SLC8A3: variants seen among roughly 807,000 people sequenced by gnomAD.
SLC8A3 encodes solute carrier family 8 member A3, also known as sodium/calcium exchanger 3.
Under a neutral mutation model 65.4 loss-of-function variants are expected in SLC8A3, and 37 were observed. The observed-to-expected ratio is 0.57, with a 90% CI of 0.44 to 0.74. The LOEUF (loss-of-function observed/expected upper bound fraction) is 0.74, where lower values mean the gene tolerates loss of function less well. Among genes scored for constraint, SLC8A3 ranks in the 30% least tolerant of loss-of-function variants. The pLI is 0.00. For missense variants in SLC8A3, 1,112 were observed against 1,172.1 expected (o/e 0.95, Z 0.75); for synonymous variants, 461 against 444.5 (o/e 1.04, Z -0.47).
At chr14:70,149,476 G>C (rs1188017003) in intron 2 of SLC8A3, among the ~76,000 whole-genome samples, 1 of 152,166 alleles carries the variant, frequency 6.6e-6, no homozygotes, top group African/African-American at 2.4e-5. Flanking sequence ...CAGGAGCCCA[G>C]AGATATGGTT....
chr14:70,076,589 C>T (rs141445755), intron 2 of SLC8A3, among the ~76,000 whole-genome samples: 24 of 152,272 alleles, frequency 1.6e-4, no homozygotes, highest in African/African-American at 5.1e-4. Flanking sequence ...GCTGGTCTCC[C>T]TGACTCTATT....
chr14:70,055,298 C>G (rs1009734951), intron 3 of SLC8A3, among the ~76,000 whole-genome samples: 4 of 152,184 alleles, frequency 2.6e-5, no homozygotes, highest in African/African-American at 9.7e-5. Flanking sequence ...TGGAAGATCT[C>G]CAGGACTGGT....
intron 2 of SLC8A3, among the ~76,000 whole-genome samples, chr14:70,158,441 A>T (rs1040313729): frequency 3.9e-5 from 6 of 152,234 alleles, no homozygotes; most frequent in Admixed American, 1.3e-4. Context: ...GAGAGATGGC[A>T]GTAGTAGTCA....
At chr14:70,110,870 C>T (rs551756620) in intron 2 of SLC8A3, among the ~76,000 whole-genome samples, 9 of 151,574 alleles carry the variant, frequency 5.9e-5, no homozygotes, top group East Asian at 5.8e-4. Flanking sequence ...TTAGTAGAGA[C>T]GGGGTTTTAC....
At chr14:70,123,652 G>T (rs919115705) in intron 2 of SLC8A3, among the ~76,000 whole-genome samples, 2 of 152,060 alleles carry the variant, frequency 1.3e-5, no homozygotes, top group Non-Finnish European at 2.9e-5. Context: ...GTTTCACCAC[G>T]TTGGCCAGGC....
Position 70,046,243 on chromosome 14 carries a change from C to A in SLC8A3, c.2470G>T (p.Val824Phe). The change falls in exon 7 of 7, where the codon GTC (valine) becomes TTC (phenylalanine). Residue 824 changes from valine (V) to phenylalanine (F), a missense_variant. Physicochemically the swap from Val to Phe is conservative, Grantham distance 50. Coordinates refer to ENST00000356921, the MANE Select transcript of SLC8A3 (RefSeq NM_182932.3). The surrounding 1 kb of genome is among the most constrained non-coding windows in gnomAD (Gnocchi z 4.2). ...SIGNVTGSNA[V>F]NVFLGIGLAW... ...AGGCCGATGCCCAGGAAGACATTGA[C>A]GGCGTTGCTGCCCGTCACGTTGCCA... The A allele has an allele frequency of 6.2e-7, 1 of 1,614,198 alleles. No homozygotes were observed. The highest frequency in any genetic ancestry group is 8.5e-7 in the Non-Finnish European group (1 of 1,180,012).
intron 6 of SLC8A3, chr14:70,047,775 T>C: frequency 6.6e-6 from 1 of 152,284 alleles, no homozygotes; most frequent in East Asian, 1.9e-4. Flanking sequence ...GCCAGCTCCC[T>C]GGCAGAAGTT....
At chr14:70,109,202 T>C (rs1893094719) in intron 2 of SLC8A3, among the ~76,000 whole-genome samples, 1 of 150,008 alleles carries the variant, frequency 6.7e-6, no homozygotes, top group Non-Finnish European at 1.5e-5. Context: ...GGTTCTTTTT[T>C]TTTTTTTTCA....
At chr14:70,055,714 A>G (rs1410632405) in intron 3 of SLC8A3, 2 of 1,186,538 alleles carry the variant, frequency 1.7e-6, no homozygotes, top group Non-Finnish European at 2.4e-6. Flanking sequence ...CTTATTCAAT[A>G]AATCAAAGGA....
chr14:70,166,478 AC>A (rs1313314477), intron 2 of SLC8A3, among the ~76,000 whole-genome samples, 160 bp downstream of exon 2: 7 of 152,228 alleles, frequency 4.6e-5, no homozygotes, highest in Non-Finnish European at 8.8e-5. Context: ...TGGAAGCAGA[AC>A]CTGTCCAGTG....
At chr14:70,179,226 G>A (rs977503138) in intron 1 of SLC8A3, among the ~76,000 whole-genome samples, 2 of 151,942 alleles carry the variant, frequency 1.3e-5, no homozygotes, top group Admixed American at 6.6e-5. Flanking sequence ...CTTATCTAAA[G>A]GCAATCTCCC....
intron 2 of SLC8A3, among the ~76,000 whole-genome samples, chr14:70,134,195 C>T (rs1279950907): frequency 1.3e-5 from 2 of 152,230 alleles, no homozygotes; most frequent in Non-Finnish European, 2.9e-5. Context: ...GTCCTGTATG[C>T]TACTCTGTCT....
At chr14:70,077,295 CACA>C (rs1431482593) in intron 2 of SLC8A3, among the ~76,000 whole-genome samples, 2 of 152,152 alleles carry the variant, frequency 1.3e-5, no homozygotes, top group Non-Finnish European at 2.9e-5. Context: ...CTTGAGTTTC[CACA>C]ACATCTTTCC....
chr14:70,136,217 C>A (rs565985147), intron 2 of SLC8A3, among the ~76,000 whole-genome samples: 1 of 152,122 alleles, frequency 6.6e-6, no homozygotes, highest in Admixed American at 6.5e-5. Context: ...TGCTAGCAAC[C>A]CACTGGAAGC....
At chr14:70,152,991 T>G (rs1052772898) in intron 2 of SLC8A3, among the ~76,000 whole-genome samples, 2 of 152,142 alleles carry the variant, frequency 1.3e-5, no homozygotes, top group Non-Finnish European at 2.9e-5. Context: ...AGAAACACCC[T>G]CTGAAGAGCT....
intron 2 of SLC8A3, among the ~76,000 whole-genome samples, chr14:70,072,323 G>C (rs1266857138): frequency 3.3e-5 from 5 of 152,138 alleles, no homozygotes; most frequent in Non-Finnish European, 4.4e-5. Flanking sequence ...ATGATCACAG[G>C]CAAGGCAGTG....
Position 70,051,007 on chromosome 14 carries a change from C to T in SLC8A3, c.2113+1G>A. The stretch of plus-strand genomic sequence containing the variant: ...CAAGGCCAGCCTGAGACACTTCTCA[C>T]CTGCACTGACGGTGATGGCCTCCAT... On this transcript the variant is annotated splice_donor_variant, in intron 5 of 6. Coordinates refer to ENST00000356921, the MANE Select transcript of SLC8A3 (RefSeq NM_182932.3). LOFTEE classifies it high-confidence loss of function. 3 of 1,604,152 alleles carry T rather than the reference C, an allele frequency of 1.9e-6. No homozygotes were observed. The highest frequency in any genetic ancestry group is 2.6e-6 in the Non-Finnish European group (3 of 1,171,024).
chr14:70,188,011 A>C (rs1162029239), intron 1 of SLC8A3, among the ~76,000 whole-genome samples: 3 of 152,030 alleles, frequency 2.0e-5, no homozygotes, highest in Non-Finnish European at 4.4e-5. Context: ...ACAACACAGC[A>C]GTCAGTCTCC....
intron 2 of SLC8A3, among the ~76,000 whole-genome samples, chr14:70,148,228 T>C (rs1237771328): frequency 6.6e-6 from 1 of 152,246 alleles, no homozygotes; most frequent in African/African-American, 2.4e-5. Context: ...AGCTAAGCTA[T>C]CACGTTCTGT....
Sources: allele counts gnomAD v4.1 joint callset (sites outside exome capture counted in the v4.1 genomes callset), GRCh38; gene constraint gnomAD v4.1.1; non-coding constraint Gnocchi (gnomAD v3.1); transcripts MANE v1.5; gene names NCBI Gene and HGNC (gene_info 2026-07-23, HGNC 2026-07-21).